Variants in TNRC6B observed in about 807,000 individuals in gnomAD.
TNRC6B encodes the protein trinucleotide repeat-containing gene 6B protein.
Under a neutral mutation model 203.6 loss-of-function variants are expected in TNRC6B, and 52 were observed. The observed-to-expected ratio is 0.26, with a 90% CI of 0.20 to 0.32. TNRC6B has a LOEUF of 0.32. Among genes scored for constraint, TNRC6B ranks in the 10% least tolerant of loss-of-function variants. The probability of loss-of-function intolerance (pLI) is 1.00; values close to 1 mark genes in which losing one functional copy is unlikely to be tolerated. For missense variants in TNRC6B, 1,923 were observed against 2,286.2 expected, an observed-to-expected ratio of 0.84 and a Z score of 3.24; for synonymous variants, 838 against 845.7, an observed-to-expected ratio of 0.99 and a Z score of 0.16.
At position 40,323,310 on chromosome 22, in the gene TNRC6B, G is replaced by A. The variant is rs1401912912; in HGVS notation, c.*69G>A. ...GCAGCAGCACTAACTTGACCTTTTC[G>A]TTTTTTTTTTCAACTTGCAATAAAT... is the stretch of plus-strand genomic sequence containing the variant. On this transcript the variant is annotated 3_prime_UTR_variant, in exon 23 of 23. Transcript: ENST00000454349. 30 of 1,293,182 alleles carry A rather than the reference G, an allele frequency of 2.3e-5. No homozygotes were observed. Among genetic ancestry groups the A allele is most frequent in the Non-Finnish European group, 3.0e-5 (29 of 979,854 alleles). 80.1% of individuals were successfully genotyped at this position (1,293,182 alleles called of 1,614,324 possible).
chr22:40,255,939 G>A (rs1348194818), intron 3 of TNRC6B, among the ~76,000 whole-genome samples: 3 of 152,114 alleles, frequency 2.0e-5, no homozygotes, highest in Non-Finnish European at 4.4e-5. Context: ...TGCAACCTCC[G>A]CCTCCCAGGT....
At position 40,315,344 on chromosome 22, in the gene TNRC6B, T is replaced by C. The variant is rs1365698651; in HGVS notation, c.4740T>C (p.His1580=). The part of the protein sequence containing the change: ...SPDPIGHNPT[H]LSNKMWKNHI... The stretch of plus-strand genomic sequence containing the variant: ...ATCCCATAGGACACAACCCCACTCA[T>C]CTCTCCAACAAGATGTGGAAAAACC... Residue 1580 remains histidine (H), a synonymous_variant, in exon 20 of 23, where the codon CAT becomes CAC. Transcript: ENST00000454349. The C allele has an allele frequency of 5.6e-6, 9 of 1,613,822 alleles. No individual in the cohort carries two copies. In the Admixed American group the frequency reaches 1.5e-4, roughly 27 times the overall value.
Position 40,266,720 on chromosome 22 carries a change from G to GCCA in TNRC6B, c.2495_2497dup (p.Pro832dup). On this transcript the variant is annotated inframe_insertion, in exon 5 of 23. Transcript: ENST00000454349. ...AGCAGCAGCCCCCACAGCAGCCGCC[G>GCCA]CCACCACAACCAGAGGCTTCTGGTT... 1 of 1,613,912 alleles carries GCCA rather than the reference G, an allele frequency of 6.2e-7. No individual in the cohort carries two copies. Among genetic ancestry groups the GCCA allele is most frequent in the Non-Finnish European group, 8.5e-7 (1 of 1,179,860 alleles).
At chr22:40,234,970 G>A (rs567682085) in intron 1 of TNRC6B, among the ~76,000 whole-genome samples, 29 of 152,264 alleles carry the variant, frequency 1.9e-4, no homozygotes, top group Non-Finnish European at 3.8e-4. Flanking sequence ...CTTTTTGTGT[G>A]TGTGCATTTT....
At chr22:40,240,014 G>A (rs1171541363) in intron 1 of TNRC6B, among the ~76,000 whole-genome samples, 2 of 151,922 alleles carry the variant, frequency 1.3e-5, no homozygotes, top group African/African-American at 2.4e-5. Flanking sequence ...TGTATTTTTA[G>A]TAGAGATGGG....
chr22:40,312,454 CA>C, intron 17 of TNRC6B, 50 bp from the exon 18 acceptor site: 1 of 1,533,870 alleles, frequency 6.5e-7, no homozygotes, highest in South Asian at 1.2e-5. Flanking sequence ...AGTACTATAT[CA>C]TTTTTTTTTA....
chr22:40,302,042 T>C (rs2071030893), intron 15 of TNRC6B, among the ~76,000 whole-genome samples: 1 of 152,222 alleles, frequency 6.6e-6, no homozygotes, highest in African/African-American at 2.4e-5. Context: ...AAAAATGAAC[T>C]AAAATTATAG....
rs549363433 is a variant in TNRC6B, at chr22:40,143,101, T to C, written c.46-13014T>C. Among the ~76,000 whole-genome samples the C allele has an allele frequency of 2.0e-5, 3 of 152,264 alleles. No homozygotes were observed. The South Asian group carries it at 6.2e-4, about 32-fold the overall frequency. On this transcript the variant is annotated intron_variant, in intron 3 of 23. Coordinates refer to the TNRC6B transcript ENST00000301923. The stretch of plus-strand genomic sequence containing the variant: ...TTGGTCAGTTGAATTTCATGAAACA[T>C]TGTAAACTTCTGCTAAACAACTGAC...
rs1601529146 is a variant in TNRC6B, at chr22:40,329,164, A to G, written c.*5923A>G. The G allele has an allele frequency of 6.6e-6, 1 of 152,358 alleles. No homozygotes were observed. Among genetic ancestry groups the G allele is most frequent in the East Asian group, 1.9e-4 (1 of 5,188 alleles). The allele number at this position is 152,358 out of a possible 1,614,324, so 9.4% of individuals were successfully genotyped here. The stretch of plus-strand genomic sequence containing the variant: ...TATACAATGAATTGTCAGTCTTCAG[A>G]CCTCATGGTCGTTAAGAAAATAGGG... On this transcript the variant is annotated 3_prime_UTR_variant, in exon 23 of 23. Coordinates refer to ENST00000454349, the MANE Select transcript of TNRC6B (RefSeq NM_001162501.2).
chr22:40,191,892 A>C (rs2069278950), intron 1 of TNRC6B, among the ~76,000 whole-genome samples: 1 of 152,250 alleles, frequency 6.6e-6, no homozygotes, highest in African/African-American at 2.4e-5. Flanking sequence ...CTGGGATTAC[A>C]GGCATGCACC....
chr22:40,068,472 C>T (rs1365303664), intron 1 of TNRC6B, among the ~76,000 whole-genome samples: 1 of 151,992 alleles, frequency 6.6e-6, no homozygotes, highest in Admixed American at 6.6e-5. Context: ...CACGCGCCAC[C>T]ATGCCCAGCC....
At chr22:40,077,509 T>C (rs975138022) in intron 1 of TNRC6B, among the ~76,000 whole-genome samples, 14 of 152,194 alleles carry the variant, frequency 9.2e-5, no homozygotes, top group African/African-American at 3.1e-4. Flanking sequence ...TCTTTTCTTA[T>C]AGTAACCATT....
chr22:40,097,047 C>T (rs73424227), intron 1 of TNRC6B, among the ~76,000 whole-genome samples: 8,607 of 152,180 alleles, frequency 0.057, 781 homozygotes, highest in African/African-American at 0.19. Flanking sequence ...CCTGCCCCAT[C>T]AGGGGAGTTC....
chr22:40,277,759 GCT>G (rs1274589100), intron 8 of TNRC6B, among the ~76,000 whole-genome samples: 1 of 152,158 alleles, frequency 6.6e-6, no homozygotes, highest in Non-Finnish European at 1.5e-5. Flanking sequence ...TTTATCTATT[GCT>G]CTCTTTGTAG....
At chr22:40,067,800 A>G (rs577751350) in intron 1 of TNRC6B, among the ~76,000 whole-genome samples, 5 of 152,206 alleles carry the variant, frequency 3.3e-5, no homozygotes, top group Admixed American at 3.3e-4. Flanking sequence ...GCCTGCCCAC[A>G]TTGAGGGCAA....
intron 16 of TNRC6B, among the ~76,000 whole-genome samples, chr22:40,310,400 C>A (rs1451060115): frequency 6.6e-6 from 1 of 152,190 alleles, no homozygotes; most frequent in South Asian, 2.1e-4. Context: ...TGGATAGCAT[C>A]AGTAGAAATT....
chr22:40,252,057 T>G (rs1333081385), intron 3 of TNRC6B, among the ~76,000 whole-genome samples: 1 of 152,244 alleles, frequency 6.6e-6, no homozygotes, highest in African/African-American at 2.4e-5. Context: ...TTGTTTTGGC[T>G]TCTTGCTCGC....
intron 19 of TNRC6B, among the ~76,000 whole-genome samples, chr22:40,314,623 G>A (rs1465688805): frequency 1.3e-5 from 2 of 152,180 alleles, no homozygotes; most frequent in Non-Finnish European, 2.9e-5. Context: ...CAAGCCCAGC[G>A]TTCTTGATCC....
chr22:40,321,197 G>A lies in TNRC6B; in HGVS notation c.5082G>A (p.Gln1694=), dbSNP rs765619727. 16 of 1,613,848 alleles carry A rather than the reference G, an allele frequency of 9.9e-6. No individual in the cohort carries two copies. The South Asian group carries it at 1.8e-4, about 18-fold the overall frequency. Reference sequence around the variant, plus strand: ...CCCTGATCCGATACAGCACCAAACAGGAGGCGGCCAAGGCCCAAACTGCAC... The same window carrying A: ...CCCTGATCCGATACAGCACCAAACAAGAGGCGGCCAAGGCCCAAACTGCAC... ...GTALIRYSTK[Q]EAAKAQTALH... is the part of the protein sequence containing the mutation. The change falls in exon 22 of 23, where the codon CAG becomes CAA. Residue 1694 remains glutamine (Q), a synonymous_variant. Coordinates refer to ENST00000454349, the MANE Select transcript of TNRC6B (RefSeq NM_001162501.2).
Sources: allele counts gnomAD v4.1 joint callset (sites outside exome capture counted in the v4.1 genomes callset), GRCh38; gene constraint gnomAD v4.1.1; transcripts MANE v1.5; gene names NCBI Gene and HGNC (gene_info 2026-07-23, HGNC 2026-07-21).